The following USP31 variants were observed in gnomAD, a reference collection of about 807,000 sequenced individuals.
USP31 encodes ubiquitin specific peptidase 31.
A neutral mutation model predicts 119.4 loss-of-function variants in USP31; 44 were observed. The ratio of observed to expected loss-of-function variants is 0.37; its 90% confidence interval spans 0.29 to 0.47. The LOEUF is 0.47. USP31 is among the 20% of genes least tolerant of loss of function. The pLI is 0.99. For synonymous variants in USP31, 749 were observed against 705.6 expected (o/e 1.06, Z -0.97); for missense variants, 1,643 against 1,730.2 (o/e 0.95, Z 0.89).
intron 12 of USP31, among the ~76,000 whole-genome samples, chr16:23,081,908 G>A (rs189329796): frequency 6.6e-6 from 1 of 152,332 alleles, no homozygotes; most frequent in Non-Finnish European, 1.5e-5. Context: ...CTAAGAGCCA[G>A]GCCTTGTGGA....
intron 1 of USP31, among the ~76,000 whole-genome samples, chr16:23,146,214 G>A (rs1903497684): frequency 7.5e-6 from 1 of 134,048 alleles, no homozygotes; most frequent in Non-Finnish European, 1.6e-5. Context: ...ACAGGCAATT[G>A]TAAGCAAAGA....
intron 6 of USP31, among the ~76,000 whole-genome samples, chr16:23,095,200 G>A (rs750732731): frequency 3.9e-5 from 6 of 152,162 alleles, no homozygotes; most frequent in Admixed American, 6.5e-5. Context: ...TGTGATGCAC[G>A]CACAAGCTTC....
At chr16:23,134,738 G>T (rs1903136402) in intron 1 of USP31, among the ~76,000 whole-genome samples, 3 of 149,122 alleles carry the variant, frequency 2.0e-5, no homozygotes, top group Admixed American at 2.0e-4. Flanking sequence ...ACCATTTTCA[G>T]CTATATAGTA....
At chr16:23,101,544 A>G (rs1019654892) in intron 6 of USP31, among the ~76,000 whole-genome samples, 3 of 152,196 alleles carry the variant, frequency 2.0e-5, no homozygotes, top group Admixed American at 1.3e-4. Context: ...CTTAGCTTGC[A>G]TCACGATCAC....
At chr16:23,075,928 A>C (rs1185630567) in intron 13 of USP31, among the ~76,000 whole-genome samples, 4 of 152,112 alleles carry the variant, frequency 2.6e-5, no homozygotes, top group Non-Finnish European at 5.9e-5. Context: ...CTCTACAAAA[A>C]AATTTAAAAA....
At chr16:23,077,804 C>A (rs868273247) in intron 13 of USP31, among the ~76,000 whole-genome samples, 2 of 152,180 alleles carry the variant, frequency 1.3e-5, no homozygotes, top group Middle Eastern at 3.2e-3. Flanking sequence ...GCCTGGCTCC[C>A]AAAAGGCTCA....
intron 1 of USP31, among the ~76,000 whole-genome samples, chr16:23,141,587 G>A (rs1301801140): frequency 2.0e-5 from 3 of 152,202 alleles, no homozygotes; most frequent in Admixed American, 2.0e-4. Flanking sequence ...CTGTTGCCCA[G>A]GCTGGTCTTG....
chr16:23,072,233 G>C, intron 14 of USP31, 36 bp from the exon 15 acceptor site: 1 of 1,582,802 alleles, frequency 6.3e-7, no homozygotes, highest in East Asian at 2.3e-5. Flanking sequence ...GGTCAGGCTG[G>C]GGTCCCTCGG....
At chr16:23,072,773 T>G (rs1900399594) in intron 14 of USP31, among the ~76,000 whole-genome samples, 1 of 152,128 alleles carries the variant, frequency 6.6e-6, no homozygotes, top group African/African-American at 2.4e-5. Context: ...ACAGAGTACA[T>G]GAAGCAGCAT....
In USP31 at chr16:23,069,054, C is replaced by G. The variant is rs113524001; in HGVS notation, c.3051G>C (p.Lys1017Asn). The G allele has an allele frequency of 2.9e-3, 4,675 of 1,612,858 alleles. 14 individuals carry two copies. The highest frequency in any genetic ancestry group is 3.0e-3 in the Non-Finnish European group (3,485 of 1,180,020). ...ATCTCTTAGTTGTGCTCTCTGGTTT[C>G]TTTGCGAGTGAGCCTGGGTGGCTGG... ...KAPSHPGSLA[K>N]KPESTTKRSP... The change falls in exon 16 of 16, where the codon AAG becomes AAC. Residue 1017 changes from lysine (K) to asparagine (N), a missense_variant. Lys to Asn is a moderately conservative substitution (Grantham distance 94, BLOSUM62 0). Transcript: ENST00000219689.
At chr16:23,111,908 CAG>C (rs1902330964) in intron 1 of USP31, among the ~76,000 whole-genome samples, 1 of 152,086 alleles carries the variant, frequency 6.6e-6, no homozygotes, top group Admixed American at 6.5e-5. Flanking sequence ...ACAACGATAA[CAG>C]AGGTGAAAAG....
chr16:23,106,225 A>G lies in USP31; in HGVS notation c.941T>C (p.Leu314Pro), dbSNP rs115638862. 3.2e-5 allele frequency: 52 copies of G among 1,614,216 alleles called. No individual in the cohort carries two copies. In the East Asian group the frequency reaches 1.0e-3, roughly 32 times the overall value. ...AATCCATTCTTACCTTGTGTGGGGC[A>G]GAGGAATTGGCAAAGAAATGCAAAG... ...PFLCISLPIP[L>P]PHTRPLYVTV... The change falls in exon 4 of 16, where the codon CTG (leucine) becomes CCG (proline). Residue 314 changes from leucine to proline, a missense_variant. Coordinates refer to ENST00000219689, the MANE Select transcript of USP31 (RefSeq NM_020718.4).
At position 23,069,119 on chromosome 16, in the gene USP31, C is replaced by T. The variant is rs1195386538; in HGVS notation, c.2986G>A (p.Asp996Asn). ...TTGACTGGAGAGCTGTCTACGGAGT[C>T]GCTCTGATCCACATAAGCGATCTGA... ...NNQIAYVDQS[D>N]SVDSSPVKEV... Residue 996 changes from aspartate to asparagine, a missense_variant, in exon 16 of 16, where the codon GAC (aspartate) becomes AAC (asparagine). Around this residue, in one of 5 missense-constraint regions of USP31, gnomAD observed 699 missense variants for 650.9 expected, o/e 1.07. Transcript: ENST00000219689. 1.4e-5 allele frequency: 22 copies of T among 1,613,242 alleles called. No individual in the cohort carries two copies. The highest frequency in any genetic ancestry group is 1.6e-4 in the Middle Eastern group (1 of 6,084).
chr16:23,072,143 T>C lies in USP31; in HGVS notation c.2390A>G (p.Lys797Arg), dbSNP rs1237533895. 1 of 1,612,218 alleles carries C rather than the reference T, an allele frequency of 6.2e-7. No individual in the cohort carries two copies. The highest frequency in any genetic ancestry group is 1.3e-5 in the African/African-American group (1 of 75,046). Residue 797 changes from lysine (K) to arginine (R), a missense_variant, in exon 15 of 16, where the codon AAG becomes AGG. Physicochemically the swap from Lys to Arg is conservative, Grantham distance 26 (BLOSUM62 2). Coordinates refer to ENST00000219689, the MANE Select transcript of USP31 (RefSeq NM_020718.4). ...EHWVSRLPGS[K>R]PASVTSAASS... ...AGCTGCAGAGGTCACGCTGGCTGGC[T>C]TGCTGCCCGGGAGCCGGCTCACCCA...
chr16:23,147,637 T>C (rs915791737), intron 1 of USP31, among the ~76,000 whole-genome samples: 1 of 152,148 alleles, frequency 6.6e-6, no homozygotes, highest in Non-Finnish European at 1.5e-5. Flanking sequence ...CCAAGGGCCA[T>C]ACATACCCCC....
intron 1 of USP31, among the ~76,000 whole-genome samples, chr16:23,126,131 T>A (rs556872879): frequency 6.6e-6 from 1 of 151,314 alleles, no homozygotes; most frequent in Admixed American, 6.6e-5. Flanking sequence ...GCCTAGGCAA[T>A]ATACCAAGAA....
intron 1 of USP31, among the ~76,000 whole-genome samples, chr16:23,115,027 C>A (rs1432206379): frequency 1.4e-5 from 2 of 141,944 alleles, no homozygotes; most frequent in Non-Finnish European, 1.6e-5. Context: ...TCCGGCTCTG[C>A]CACAAACCAC....
intron 13 of USP31, among the ~76,000 whole-genome samples, chr16:23,076,180 T>C (rs778344484): frequency 4.0e-5 from 6 of 151,608 alleles, no homozygotes; most frequent in Admixed American, 1.3e-4. Flanking sequence ...CTGGGCTTAA[T>C]ACCTAGGTGA....
chr16:23,111,896 A>C (rs1349350578), intron 1 of USP31, among the ~76,000 whole-genome samples: 1 of 152,246 alleles, frequency 6.6e-6, no homozygotes, highest in African/African-American at 2.4e-5. Context: ...ATTCCAATTA[A>C]GACAACGATA....
Sources: gnomAD v4.1 joint callset for allele counts (sites outside exome capture counted in the v4.1 genomes callset) on GRCh38, gnomAD v4.1.1 for gene constraint, gnomAD v4.1.1 regional missense constraint, MANE v1.5 for transcripts, NCBI Gene and HGNC (gene_info 2026-07-23, HGNC 2026-07-21) for gene names.